CFAP44: variants seen among roughly 807,000 people sequenced by gnomAD.
CFAP44 encodes cilia and flagella associated protein 44, also known as cilia- and flagella-associated protein 44.
Under a neutral mutation model 216.2 loss-of-function variants are expected in CFAP44, and 134 were observed. That is an observed-to-expected ratio of 0.62 (90% CI 0.54 to 0.72). CFAP44 has a LOEUF of 0.72. Ranked by LOEUF, CFAP44 falls within the 30% of genes least tolerant of loss-of-function variation. CFAP44 has a pLI of 0.00. For synonymous variants in CFAP44, 700 were observed against 727.6 expected, an observed-to-expected ratio of 0.96 and a Z score of 0.61; for missense variants, 2,035 against 2,182.1, an observed-to-expected ratio of 0.93 and a Z score of 1.34.
chr3:113,311,662 T>C (rs1950039878), intron 28 of CFAP44, among the ~76,000 whole-genome samples: 1 of 152,166 alleles, frequency 6.6e-6, no homozygotes, highest in African/African-American at 2.4e-5. Flanking sequence ...GTTGAACAGA[T>C]ATCCAAAAAT....
intron 18 of CFAP44, among the ~76,000 whole-genome samples, chr3:113,370,159 G>A (rs543296237): frequency 3.3e-5 from 5 of 152,282 alleles, no homozygotes; most frequent in African/African-American, 1.2e-4. Flanking sequence ...GTACAAAGAG[G>A]AGCCAGTACC....
At chr3:113,386,686 C>A (rs1319383320) in intron 15 of CFAP44, among the ~76,000 whole-genome samples, 1 of 152,054 alleles carries the variant, frequency 6.6e-6, no homozygotes, top group East Asian at 1.9e-4. Flanking sequence ...CCCACAGGAA[C>A]ACCAAATTTA....
chr3:113,380,397 T>C (rs751166288), intron 16 of CFAP44, among the ~76,000 whole-genome samples: 22 of 152,306 alleles, frequency 1.4e-4, no homozygotes, highest in Non-Finnish European at 3.1e-4. Context: ...CCAGCCTTTA[T>C]TGCCATCGCC....
chr3:113,362,604 G>A (rs1258805523), intron 21 of CFAP44, among the ~76,000 whole-genome samples: 1 of 152,204 alleles, frequency 6.6e-6, no homozygotes, highest in Non-Finnish European at 1.5e-5. Flanking sequence ...CCTCTGGTAA[G>A]ATCCATAGTT....
chr3:113,424,860 G>A (rs545095827), intron 4 of CFAP44, among the ~76,000 whole-genome samples: 1 of 152,304 alleles, frequency 6.6e-6, no homozygotes, highest in South Asian at 2.1e-4. Context: ...GTCTAATACA[G>A]ACCCTCCCAT....
intron 2 of CFAP44, among the ~76,000 whole-genome samples, chr3:113,430,720 A>G (rs1470551912): frequency 6.6e-6 from 1 of 152,204 alleles, no homozygotes; most frequent in Non-Finnish European, 1.5e-5. Flanking sequence ...TTTCCCACTC[A>G]TCAAGAAAAT....
At position 113,407,038 on chromosome 3, in the gene CFAP44, G is replaced by A. The variant is rs2107368744; in HGVS notation, c.894C>T (p.Phe298=). 6.2e-7 allele frequency: 1 copy of A among 1,613,182 alleles called. No homozygotes were observed. The highest frequency in any genetic ancestry group is 8.5e-7 in the Non-Finnish European group (1 of 1,179,216). The part of the protein sequence containing the change: ...LTTSGSGHIK[F]WEMAFTFTGL... Reference sequence around the variant, plus strand: ...CGGTGAACGTAAAAGCCATTTCCCAGAACCTACAAACAAGAAAGAGACTGA... The same window carrying A: ...CGGTGAACGTAAAAGCCATTTCCCAAAACCTACAAACAAGAAAGAGACTGA... Residue 298 remains phenylalanine, a synonymous_variant, in exon 8 of 35, where the codon TTC becomes TTT. Coordinates refer to ENST00000393845, the MANE Select transcript of CFAP44 (RefSeq NM_001164496.2).
intron 21 of CFAP44, chr3:113,360,367 T>C (rs1419194903): frequency 8.9e-6 from 2 of 225,218 alleles, no homozygotes; most frequent in African/African-American, 4.6e-5. Context: ...GAATACTATA[T>C]GTCTGAGTAT....
chr3:113,368,801 G>T (rs759494562), intron 18 of CFAP44, among the ~76,000 whole-genome samples: 1 of 152,114 alleles, frequency 6.6e-6, no homozygotes, highest in Non-Finnish European at 1.5e-5. Context: ...CTGGCAAATT[G>T]GATAAAAAGT....
At chr3:113,295,904 A>G (rs1473821185) in intron 33 of CFAP44, among the ~76,000 whole-genome samples, 2 of 152,202 alleles carry the variant, frequency 1.3e-5, no homozygotes, top group African/African-American at 4.8e-5. Flanking sequence ...GAGCATTTAT[A>G]CTTTTTAAAA....
intron 1 of CFAP44, among the ~76,000 whole-genome samples, chr3:113,438,568 T>C (rs1935287618): frequency 6.6e-6 from 1 of 152,250 alleles, no homozygotes; most frequent in African/African-American, 2.4e-5. Context: ...AATGAATTTA[T>C]TGATATATTC....
chr3:113,389,764 TA>T (rs1189807069), intron 15 of CFAP44, among the ~76,000 whole-genome samples: 1 of 151,850 alleles, frequency 6.6e-6, no homozygotes, highest in East Asian at 1.9e-4. Context: ...GAAGAAATAG[TA>T]AAATTCCTAG....
chr3:113,440,839 G>C (rs1382758681), intron 1 of CFAP44, among the ~76,000 whole-genome samples: 1 of 152,042 alleles, frequency 6.6e-6, no homozygotes, highest in Non-Finnish European at 1.5e-5. Context: ...AGCCTCCTTA[G>C]CCTTCTCCTC....
At chr3:113,338,031 G>C (rs1226273102) in intron 24 of CFAP44, among the ~76,000 whole-genome samples, 2 of 151,842 alleles carry the variant, frequency 1.3e-5, no homozygotes, top group Non-Finnish European at 2.9e-5. Context: ...GGGAGGCCAG[G>C]GCAGGTAGAT....
rs1349247751 is a variant in CFAP44 at position 113,306,200 on chromosome 3, C to CT, written c.4758dup (p.Val1587SerfsTer7). ...ATAAATAAGTAAACAGATCACCATA[C>CT]TTTTTTTGACAATGTATCATATTCC... is the stretch of plus-strand genomic sequence containing the variant. On this transcript the variant is annotated frameshift_variant and splice_region_variant. Coordinates refer to ENST00000393845, the MANE Select transcript of CFAP44 (RefSeq NM_001164496.2). LOFTEE classifies it high-confidence loss of function. The CT allele has an allele frequency of 4.6e-6, 7 of 1,534,956 alleles. No homozygotes were observed. Among genetic ancestry groups the CT allele is most frequent in the East Asian group, 4.9e-5 (2 of 40,874 alleles).
intron 6 of CFAP44, among the ~76,000 whole-genome samples, chr3:113,414,077 C>T (rs1934572665): frequency 6.6e-6 from 1 of 152,142 alleles, no homozygotes; most frequent in African/African-American, 2.4e-5. Flanking sequence ...TCCTTCACAT[C>T]CCTTGTTAGT....
intron 15 of CFAP44, among the ~76,000 whole-genome samples, chr3:113,388,684 G>GT (rs1398121654): frequency 2.6e-5 from 4 of 152,128 alleles, no homozygotes. Flanking sequence ...TAGACTGAAA[G>GT]TAAAGGAACA....
intron 15 of CFAP44, 148 bp from the exon 16 acceptor site, chr3:113,381,208 C>A (rs1236614112): frequency 6.6e-6 from 3 of 452,050 alleles, no homozygotes; most frequent in Non-Finnish European, 1.1e-5. Flanking sequence ...GGTAAAAAGT[C>A]AAGTTTATTA....
intron 14 of CFAP44, 72 bp from the exon 15 acceptor site, chr3:113,395,932 TG>T (rs1255693648): frequency 9.3e-7 from 1 of 1,078,208 alleles, no homozygotes; most frequent in African/African-American, 1.6e-5. Flanking sequence ...CAAAAAAGCA[TG>T]TAATAACATA....
Sources: gnomAD v4.1 joint callset for allele counts (sites outside exome capture counted in the v4.1 genomes callset) on GRCh38, gnomAD v4.1.1 for gene constraint, MANE v1.5 for transcripts, NCBI Gene and HGNC (gene_info 2026-07-23, HGNC 2026-07-21) for gene names.